ATG5: variants seen among roughly 807,000 people sequenced by gnomAD.
ATG5 encodes autophagy protein 5.
Under a neutral mutation model 36.5 loss-of-function variants are expected in ATG5, and 14 were observed. That is an observed-to-expected ratio of 0.38 (90% CI 0.25 to 0.60). The LOEUF is 0.60. ATG5 is among the 20% of genes least tolerant of loss of function. The probability of loss-of-function intolerance (pLI) is 0.60; values close to 1 mark genes in which losing one functional copy is unlikely to be tolerated. For synonymous variants in ATG5, 95 were observed against 101.5 expected (o/e 0.94, Z 0.38); for missense variants, 195 against 326.7 (o/e 0.60, Z 3.11).
At chr6:106,201,383 T>C (rs1188932934) in intron 7 of ATG5, among the ~76,000 whole-genome samples, 2 of 152,094 alleles carry the variant, frequency 1.3e-5, no homozygotes, top group Non-Finnish European at 2.9e-5. Context: ...GTTCTTTATG[T>C]TGTAATAAAG....
At chr6:106,290,294 C>T (rs2114624946) in intron 4 of ATG5, among the ~76,000 whole-genome samples, 1 of 144,380 alleles carries the variant, frequency 6.9e-6, no homozygotes, top group Non-Finnish European at 1.5e-5. Flanking sequence ...TTTTTAGATA[C>T]AGAGTCTGCC....
At chr6:106,228,639 A>C (rs1777541768) in intron 6 of ATG5, among the ~76,000 whole-genome samples, 1 of 152,060 alleles carries the variant, frequency 6.6e-6, no homozygotes, top group Non-Finnish European at 1.5e-5. Flanking sequence ...CCCTGGTAAC[A>C]ATTTGGCGAC....
intron 6 of ATG5, among the ~76,000 whole-genome samples, chr6:106,219,066 T>C (rs1269897088): frequency 6.6e-6 from 1 of 152,172 alleles, no homozygotes; most frequent in Non-Finnish European, 1.5e-5. Context: ...GAAAGGCCTA[T>C]TGAAATATAT....
intron 5 of ATG5, among the ~76,000 whole-genome samples, chr6:106,265,588 C>T (rs559815137): frequency 2.0e-5 from 3 of 152,206 alleles, no homozygotes; most frequent in Admixed American, 6.5e-5. Flanking sequence ...ATTCTAAAAT[C>T]GACCACATAA....
intron 6 of ATG5, among the ~76,000 whole-genome samples, chr6:106,211,423 T>C (rs934067800): frequency 1.3e-5 from 2 of 152,068 alleles, no homozygotes; most frequent in African/African-American, 4.8e-5. Flanking sequence ...AAAAAGAGAT[T>C]GGACAGGCCG....
intron 7 of ATG5, among the ~76,000 whole-genome samples, chr6:106,195,808 T>TTA (rs1238310122): frequency 1.8e-3 from 160 of 91,366 alleles, no homozygotes; most frequent in Middle Eastern, 6.7e-3. Context: ...TGCTCCCCTC[T>TTA]AAAAAAAAAA....
intron 6 of ATG5, among the ~76,000 whole-genome samples, chr6:106,203,018 G>A (rs955589904): frequency 6.6e-6 from 1 of 152,168 alleles, no homozygotes; most frequent in Non-Finnish European, 1.5e-5. Context: ...GAGAAAGAGA[G>A]AGACAGAGAA....
intron 1 of ATG5, among the ~76,000 whole-genome samples, chr6:106,316,991 G>A (rs573775): frequency 0.34 from 51,807 of 151,828 alleles, 9,327 homozygotes; most frequent in African/African-American, 0.46. Context: ...TCTGGCCCCA[G>A]TGAAACAGTA....
rs1436567671 is a variant in ATG5 at position 106,185,247 on chromosome 6, A to AT, written c.*1292dup. On this transcript the variant is annotated 3_prime_UTR_variant, in exon 8 of 8. Coordinates refer to ENST00000369076, the MANE Select transcript of ATG5 (RefSeq NM_004849.4). The stretch of plus-strand genomic sequence containing the variant: ...AGAATCTCACTTCAGCATTTGTATA[A>AT]TTTTTTATAAGAAAAACATTCATTT... 1 of 152,754 alleles carries AT rather than the reference A, an allele frequency of 6.5e-6. No individual in the cohort carries two copies. Among genetic ancestry groups the AT allele is most frequent in the Non-Finnish European group, 1.5e-5 (1 of 68,016 alleles). 9.5% of individuals were successfully genotyped at this position (152,754 alleles called of 1,614,324 possible).
intron 4 of ATG5, among the ~76,000 whole-genome samples, chr6:106,281,235 T>A (rs1487205310): frequency 6.6e-6 from 1 of 152,204 alleles, no homozygotes; most frequent in Non-Finnish European, 1.5e-5. Flanking sequence ...TACAGTGAAA[T>A]GCAGAAATCA....
At chr6:106,250,362 T>C (rs1778526025) in intron 5 of ATG5, among the ~76,000 whole-genome samples, 1 of 152,222 alleles carries the variant, frequency 6.6e-6, no homozygotes, top group African/African-American at 2.4e-5. Context: ...TCGCAGTATA[T>C]TAGAAATGGT....
chr6:106,288,621 T>C (rs900173117), intron 4 of ATG5, among the ~76,000 whole-genome samples: 1 of 152,234 alleles, frequency 6.6e-6, no homozygotes, highest in Non-Finnish European at 1.5e-5. Flanking sequence ...CTAACTCTTG[T>C]TAATCAACAT....
intron 5 of ATG5, among the ~76,000 whole-genome samples, chr6:106,279,014 T>C (rs1190658316): frequency 6.6e-6 from 1 of 152,188 alleles, no homozygotes; most frequent in African/African-American, 2.4e-5. Flanking sequence ...GTTACTTAAC[T>C]AAACCATGAT....
chr6:106,188,901 T>G (rs773673265), intron 7 of ATG5, among the ~76,000 whole-genome samples: 1 of 152,212 alleles, frequency 6.6e-6, no homozygotes, highest in Non-Finnish European at 1.5e-5. Flanking sequence ...CACCGGCATT[T>G]ATGTATTTTG....
intron 2 of ATG5, among the ~76,000 whole-genome samples, chr6:106,312,445 A>C (rs1770682968): frequency 6.6e-6 from 1 of 152,132 alleles, no homozygotes; most frequent in African/African-American, 2.4e-5. Context: ...ACAAATATAT[A>C]GGTTTGGAGC....
At chr6:106,301,437 T>TA (rs1355083451) in intron 3 of ATG5, among the ~76,000 whole-genome samples, 10 of 151,922 alleles carry the variant, frequency 6.6e-5, no homozygotes, top group South Asian at 2.1e-4. Context: ...GCAGGTGTGG[T>TA]AAAAAGAGCC....
intron 7 of ATG5, among the ~76,000 whole-genome samples, chr6:106,187,764 T>A (rs1775828788): frequency 6.6e-6 from 1 of 152,174 alleles, no homozygotes; most frequent in South Asian, 2.1e-4. Context: ...ATGGTGATAA[T>A]GACTTGGCTG....
At chr6:106,222,064 G>A (rs936598851) in intron 6 of ATG5, among the ~76,000 whole-genome samples, 2 of 152,036 alleles carry the variant, frequency 1.3e-5, no homozygotes, top group African/African-American at 2.4e-5. Flanking sequence ...GCTAATTTTT[G>A]TATTTTCAGT....
Position 106,305,263 on chromosome 6 carries a change from T to C in ATG5, c.236+3101A>G, listed in dbSNP as rs1770398340. ...AAGAATACTCCATTCTGCTATTATC[T>C]ATAACTAACTTTACTATATGTACTA... is the stretch of plus-strand genomic sequence containing the variant. On this transcript the variant is annotated intron_variant, in intron 3 of 7. Transcript: ENST00000369076. 4.6e-5 allele frequency among the ~76,000 whole-genome samples: 7 copies of C among 152,198 alleles called. 1 individual carries two copies. In the South Asian group the frequency reaches 1.4e-3, roughly 31 times the overall value.
Sources: gnomAD v4.1 joint callset for allele counts (sites outside exome capture counted in the v4.1 genomes callset) on GRCh38, gnomAD v4.1.1 for gene constraint, MANE v1.5 for transcripts, NCBI Gene and HGNC (gene_info 2026-07-23, HGNC 2026-07-21) for gene names.